NR3C1: variants seen among roughly 807,000 people sequenced by gnomAD.
NR3C1 encodes glucocorticoid receptor.
In NR3C1, 14 loss-of-function variants were observed where a neutral mutation model predicts 74.0. The observed-to-expected ratio is 0.19, with a 90% CI of 0.12 to 0.30. NR3C1 has a LOEUF of 0.30. Ranked by LOEUF, NR3C1 falls within the 10% of genes least tolerant of loss-of-function variation. NR3C1 has a pLI of 1.00. For synonymous variants in NR3C1, 308 were observed against 332.5 expected (o/e 0.93, Z 0.80); for missense variants, 695 against 909.8 (o/e 0.76, Z 3.04).
upstream of NR3C1, among the ~76,000 whole-genome samples, chr5:143,406,351 C>G (rs1600659036): frequency 6.8e-6 from 1 of 147,022 alleles, no homozygotes; most frequent in Non-Finnish European, 1.5e-5. Flanking sequence ...CTCTGCAGAT[C>G]TTAATGGGGA....
chr5:143,406,349 A>G (rs1185812984), upstream of NR3C1, among the ~76,000 whole-genome samples: 1 of 149,962 alleles, frequency 6.7e-6, no homozygotes, highest in Non-Finnish European at 1.5e-5. Context: ...TTCTCTGCAG[A>G]TCTTAATGGG....
chr5:143,366,510 CAA>C (rs112519980), intron 2 of NR3C1, among the ~76,000 whole-genome samples: 52 of 102,866 alleles, frequency 5.1e-4, no homozygotes, highest in Non-Finnish European at 5.7e-4. Context: ...AATTCTGCCT[CAA>C]AAAAAAAAAA....
At chr5:143,333,524 C>T (rs1448105415) in intron 2 of NR3C1, among the ~76,000 whole-genome samples, 3 of 152,050 alleles carry the variant, frequency 2.0e-5, no homozygotes, top group African/African-American at 4.8e-5. Flanking sequence ...AATCCCAGCA[C>T]TTTGGGAGGC....
chr5:143,424,339 G>T (rs1751421210), intron 1 of NR3C1, among the ~76,000 whole-genome samples: 1 of 152,062 alleles, frequency 6.6e-6, no homozygotes, highest in Non-Finnish European at 1.5e-5. Context: ...AAAATTTATT[G>T]TATATTTCAA....
At chr5:143,361,365 A>G (rs1245273370) in intron 2 of NR3C1, among the ~76,000 whole-genome samples, 2 of 152,266 alleles carry the variant, frequency 1.3e-5, no homozygotes, top group Non-Finnish European at 2.9e-5. Context: ...CACTAGTATC[A>G]GTGCCTTAAT....
At chr5:143,349,245 C>T (rs150003745) in intron 2 of NR3C1, among the ~76,000 whole-genome samples, 1 of 152,244 alleles carries the variant, frequency 6.6e-6, no homozygotes, top group African/African-American at 2.4e-5. Context: ...CTGATGATGG[C>T]TGTTCCTTCT....
intron 2 of NR3C1, among the ~76,000 whole-genome samples, chr5:143,353,342 T>C (rs1296935173): frequency 6.6e-6 from 1 of 152,242 alleles, no homozygotes; most frequent in Admixed American, 6.5e-5. Context: ...GTTGATCCTT[T>C]GACCTCCTCC....
At chr5:143,398,551 G>C (rs1839673962) in intron 2 of NR3C1, among the ~76,000 whole-genome samples, 1 of 151,822 alleles carries the variant, frequency 6.6e-6, no homozygotes, top group African/African-American at 2.4e-5. Flanking sequence ...TGGGAACGAT[G>C]AATATCACTA....
intron 2 of NR3C1, among the ~76,000 whole-genome samples, chr5:143,359,793 C>T (rs1015014632): frequency 6.6e-6 from 1 of 152,138 alleles, no homozygotes; most frequent in Non-Finnish European, 1.5e-5. Flanking sequence ...TGGCAGGCAC[C>T]TGTAATCCCA....
At chr5:143,295,433 C>A in intron 7 of NR3C1, 27 bp downstream of exon 7, 1 of 1,609,916 alleles carries the variant, frequency 6.2e-7, no homozygotes, top group Non-Finnish European at 8.5e-7. Context: ...ATGCTTTTGA[C>A]ATAAGGTGAA....
upstream of NR3C1, chr5:143,405,365 C>T (rs1260856284): frequency 2.0e-6 from 2 of 985,518 alleles, no homozygotes; most frequent in Non-Finnish European, 1.2e-6. Context: ...CGGCGGCTCC[C>T]CCTGCTCTGA....
At chr5:143,394,125 G>A (rs966656278) in intron 2 of NR3C1, among the ~76,000 whole-genome samples, 1 of 151,872 alleles carries the variant, frequency 6.6e-6, no homozygotes, top group Non-Finnish European at 1.5e-5. Context: ...ATTATAGACA[G>A]GATTAATGTT....
At position 143,381,809 on chromosome 5, in the gene NR3C1, C is replaced by T. The variant is rs1025144899; in HGVS notation, c.1184+17847G>A. Among the ~76,000 whole-genome samples, 3 of 152,240 alleles carry T rather than the reference C, an allele frequency of 2.0e-5. No individual in the cohort carries two copies. The South Asian group carries it at 6.2e-4, about 32-fold the overall frequency. Reference sequence around the variant, plus strand: ...TGGACTAAAGCCCTAAATCTAAGACCTGAAACTAGGATACTAAAAGAAAAC... The same window carrying T: ...TGGACTAAAGCCCTAAATCTAAGACTTGAAACTAGGATACTAAAAGAAAAC... On this transcript the variant is annotated intron_variant, in intron 2 of 8. Coordinates refer to ENST00000394464, the MANE Select transcript of NR3C1 (RefSeq NM_000176.3).
chr5:143,403,171 G>A (rs567652026), intron 1 of NR3C1, 40 bp downstream of exon 1: 3 of 984,536 alleles, frequency 3.0e-6, no homozygotes, highest in East Asian at 1.2e-4. Flanking sequence ...CACCTCGGGG[G>A]AGCGAGCGCG....
Position 143,282,616 on chromosome 5 carries a change from G to A in NR3C1, c.2133C>T (p.Asn711=), listed in dbSNP as rs775051931. 4 of 1,613,824 alleles carry A rather than the reference G, an allele frequency of 2.5e-6. No individual in the cohort carries two copies. The East Asian group carries it at 6.7e-5, about 27-fold the overall frequency. ...IVKREGNSSQ[N]WQRFYQLTKL... is the part of the protein sequence containing the mutation. The stretch of plus-strand genomic sequence containing the variant: ...TTGTCAGTTGATAAAACCGCTGCCA[G>A]TTCTGGCTGGAGTTTCCTTCCCTCT... Residue 711 remains asparagine (N), a synonymous_variant, in exon 8 of 9, where the codon AAC becomes AAT. Transcript: ENST00000394464.
chr5:143,417,461 A>G (rs1277341299), intron 1 of NR3C1, among the ~76,000 whole-genome samples: 1 of 152,102 alleles, frequency 6.6e-6, no homozygotes, highest in Non-Finnish European at 1.5e-5. Flanking sequence ...TAGTAGACAC[A>G]TGTCTTTAGC....
At chr5:143,393,101 AGCTCTG>A (rs1838577550) in intron 2 of NR3C1, among the ~76,000 whole-genome samples, 1 of 152,190 alleles carries the variant, frequency 6.6e-6, no homozygotes, top group Admixed American at 6.5e-5. Flanking sequence ...ATAGAAAACA[AGCTCTG>A]AGAACCCAAG....
At chr5:143,404,250 G>T, upstream of NR3C1, 4 of 985,430 alleles carry the variant, frequency 4.1e-6, no homozygotes, top group Non-Finnish European at 4.8e-6. Flanking sequence ...ACTTCGAAAG[G>T]GGCTACGGGG....
At chr5:143,334,474 G>A (rs1157884705) in intron 2 of NR3C1, among the ~76,000 whole-genome samples, 6 of 152,142 alleles carry the variant, frequency 3.9e-5, no homozygotes, top group African/African-American at 1.4e-4. Context: ...TCTACATTGG[G>A]TGCTGTGTCA....
Sources: gnomAD v4.1 joint callset for allele counts (sites outside exome capture counted in the v4.1 genomes callset) on GRCh38, gnomAD v4.1.1 for gene constraint, MANE v1.5 for transcripts, NCBI Gene and HGNC (gene_info 2026-07-23, HGNC 2026-07-21) for gene names.